SPOUT1: variants seen among roughly 807,000 people sequenced by gnomAD.
SPOUT1 encodes 28S rRNA (uridine-N(3))-methyltransferase.
SPOUT1 carries 40 observed loss-of-function variants against 54.8 expected under a neutral mutation model. The observed-to-expected ratio is 0.73, with a 90% confidence interval of 0.57 to 0.95. SPOUT1 has a LOEUF of 0.95. Ranked by LOEUF, SPOUT1 falls within the 40% of genes least tolerant of loss-of-function variation. SPOUT1 has a pLI of 0.00. For synonymous variants in SPOUT1, 193 were observed against 200.3 expected (o/e 0.96, Z 0.31); for missense variants, 437 against 499.5 (o/e 0.87, Z 1.19).
At chr9:128,829,276 C>G in intron 1 of SPOUT1, 121 bp from the exon 2 acceptor site, 1 of 840,508 alleles carries the variant, frequency 1.2e-6, no homozygotes. Context: ...CAAGGAACCT[C>G]TGCGAACTGC....
At chr9:128,824,297 T>TGTGC in intron 9 of SPOUT1, 123 bp from the exon 10 acceptor site, 2 of 590,000 alleles carry the variant, frequency 3.4e-6, no homozygotes, top group Non-Finnish European at 6.2e-6. Flanking sequence ...TGTGTGTGTG[T>TGTGC]GTGCGTGTGT....
intron 3 of SPOUT1, 49 bp downstream of exon 3, chr9:128,828,686 C>A (rs1830287474): frequency 3.1e-6 from 5 of 1,605,574 alleles, no homozygotes; most frequent in Non-Finnish European, 3.4e-6. Flanking sequence ...GCCTGCAGGA[C>A]AACTACCGTG....
chr9:128,824,626 G>C (rs1014295895), intron 9 of SPOUT1, 145 bp downstream of exon 9: 1 of 648,574 alleles, frequency 1.5e-6, no homozygotes, highest in Non-Finnish European at 2.8e-6. Context: ...GGAGAACAAG[G>C]CCCAGAGAAG....
At chr9:128,829,014 G>C in intron 2 of SPOUT1, 96 bp downstream of exon 2, 1 of 1,496,840 alleles carries the variant, frequency 6.7e-7, no homozygotes, top group Non-Finnish European at 9.3e-7. Flanking sequence ...TGTGCTGCAG[G>C]ACCCAGAGGG....
Position 128,821,545 on chromosome 9 carries a change from C to T in SPOUT1, c.*1220G>A, listed in dbSNP as rs1830119226. On this transcript the variant is annotated 3_prime_UTR_variant, in exon 12 of 12. Coordinates refer to ENST00000361256, the MANE Select transcript of SPOUT1 (RefSeq NM_016390.4). The stretch of plus-strand genomic sequence containing the variant: ...CTAGATCTGCCTGACCCAGGGCCTC[C>T]ACTCTTGCTCCTGTGCAGCCCTGCC... The T allele has an allele frequency of 6.5e-6, 1 of 154,238 alleles. No individual in the cohort carries two copies. 9.6% of individuals were successfully genotyped at this position (154,238 alleles called of 1,614,324 possible). A position where few individuals can be genotyped will look rare whatever the true frequency, so the allele number is the denominator to read the frequency against.
chr9:128,823,652 GGGCAAGGGTGGGTGAC>G, intron 11 of SPOUT1, 79 bp downstream of exon 11: 5 of 1,173,446 alleles, frequency 4.3e-6, no homozygotes, highest in Non-Finnish European at 4.8e-6. Context: ...AGGCAGCCAC[GGGCAAGGGTGGGTGAC>G]AGGGCAAGAG....
At position 128,822,450 on chromosome 9, in the gene SPOUT1, G is replaced by A. The variant is rs61737988; in HGVS notation, c.*315C>T. The A allele has an allele frequency of 9.5e-6, 15 of 1,585,460 alleles. No homozygotes were observed. Among genetic ancestry groups the A allele is most frequent in the East Asian group, 4.6e-5 (2 of 43,250 alleles). ...GCAGCAGGTGGGCAAATTGAGCTCC[G>A]CACCTACGTGATGCCCAACGCACCT... On this transcript the variant is annotated 3_prime_UTR_variant, in exon 12 of 12. Coordinates refer to ENST00000361256, the MANE Select transcript of SPOUT1 (RefSeq NM_016390.4).
chr9:128,822,481 T>A lies in SPOUT1; in HGVS notation c.*284A>T. 6.4e-7 allele frequency: 1 copy of A among 1,568,390 alleles called. No individual in the cohort carries two copies. Among genetic ancestry groups the A allele is most frequent in the Non-Finnish European group, 8.6e-7 (1 of 1,156,240 alleles). On this transcript the variant is annotated 3_prime_UTR_variant, in exon 12 of 12. Transcript: ENST00000361256. ...ACGTGATGCCCAACGCACCTGTGGA[T>A]GAGGCCATCCCACTGGAGCGCTTCC...
intron 3 of SPOUT1, among the ~76,000 whole-genome samples, chr9:128,827,738 A>G (rs1830268853): frequency 6.6e-6 from 1 of 152,240 alleles, no homozygotes; most frequent in Non-Finnish European, 1.5e-5. Flanking sequence ...CCTGGCCAAC[A>G]TGGCGAAACC....
Position 128,820,651 on chromosome 9 carries a change from G to A in SPOUT1, c.*2114C>T, listed in dbSNP as rs561556759. 4.1e-5 allele frequency: 45 copies of A among 1,089,338 alleles called. No individual in the cohort carries two copies. In the Admixed American group the frequency reaches 5.5e-4, roughly 13 times the overall value. The allele number at this position is 1,089,338 out of a possible 1,614,324, so 67.5% of individuals were successfully genotyped here. A position where few individuals can be genotyped will look rare whatever the true frequency, so the allele number is the denominator to read the frequency against. ...TGTCTCACTGGATATCTCTGAGCCT[G>A]TCCATCCCCTCAGGACCTGGGGCGG... On this transcript the variant is annotated 3_prime_UTR_variant, in exon 12 of 12. Transcript: ENST00000361256.
Position 128,826,483 on chromosome 9 carries a change from A to T in SPOUT1, c.459-50T>A. The T allele has an allele frequency of 6.2e-7, 1 of 1,610,704 alleles. No individual in the cohort carries two copies. The highest frequency in any genetic ancestry group is 8.5e-7 in the Non-Finnish European group (1 of 1,177,132). ...ATGTTCCCAGGGGAAGCCGCCTCCT[A>T]CCTGGTCTCCACTTTGACACACCCC... On this transcript the variant is annotated intron_variant, in intron 5 of 11. Transcript: ENST00000361256. The surrounding 1 kb of genome is among the most constrained non-coding windows in gnomAD (Gnocchi z 5.5).
intron 7 of SPOUT1, 108 bp from the exon 8 acceptor site, chr9:128,825,157 G>A (rs1830214549): frequency 3.9e-6 from 3 of 771,890 alleles, no homozygotes; most frequent in Non-Finnish European, 6.6e-6. Context: ...GGGACCAAGG[G>A]GTCCAGGTCA....
chr9:128,824,641 A>T, intron 9 of SPOUT1, 130 bp downstream of exon 9: 1 of 673,686 alleles, frequency 1.5e-6, no homozygotes, highest in East Asian at 2.7e-5. Flanking sequence ...GAGAAGGGGA[A>T]GGACTTGCCC....
At position 128,829,770 on chromosome 9, in the gene SPOUT1, C is replaced by T. The variant is rs1400243845; in HGVS notation, c.11G>A (p.Arg4His). The change falls in exon 1 of 12, where the codon CGC becomes CAC. Residue 4 changes from arginine to histidine, a missense_variant. Arg to His is a conservative substitution (Grantham distance 29, BLOSUM62 0). Transcript: ENST00000361256. ...CGGGCCGCACGGCCGCTTCCTGCCG[C>T]GCTCCGCCATGTTCCGCACACACCG... is the stretch of plus-strand genomic sequence containing the variant. MAE[R>H]GRKRPCGPGE... 3.7e-6 allele frequency: 6 copies of T among 1,602,474 alleles called. No homozygotes were observed. Among genetic ancestry groups the T allele is most frequent in the South Asian group, 1.1e-5 (1 of 89,330 alleles).
intron 1 of SPOUT1, 78 bp downstream of exon 1, chr9:128,829,667 C>A: frequency 1.7e-6 from 2 of 1,170,236 alleles, no homozygotes; most frequent in Non-Finnish European, 2.5e-6. Flanking sequence ...CGGCCCGGCC[C>A]CGGCGAAGGC....
Position 128,826,686 on chromosome 9 carries a change from G to T in SPOUT1, c.369-57C>A. The T allele has an allele frequency of 8.1e-7, 1 of 1,241,830 alleles. No individual in the cohort carries two copies. The highest frequency in any genetic ancestry group is 1.1e-6 in the Non-Finnish European group (1 of 885,090). The allele number at this position is 1,241,830 out of a possible 1,614,324, so 76.9% of individuals were successfully genotyped here. A position where few individuals can be genotyped will look rare whatever the true frequency, so the allele number is the denominator to read the frequency against. On this transcript the variant is annotated intron_variant, in intron 4 of 11. Transcript: ENST00000361256. This position sits in a 1 kb window ranked among gnomAD's most constrained non-coding sequence, Gnocchi z 5.5. ...AGCTGTGGCCCCTTCAAGAGCTCCT[G>T]TCTACAAGTGCACGCGTATAATCCC...
At chr9:128,824,200 G>A in intron 9 of SPOUT1, 26 bp from the exon 10 acceptor site, 1 of 1,428,152 alleles carries the variant, frequency 7.0e-7, no homozygotes. Context: ...GCTCAGTGCA[G>A]GTCCTGCTCC....
At position 128,825,022 on chromosome 9, in the gene SPOUT1, G is replaced by C; in HGVS notation, c.667C>G (p.Pro223Ala). 6.3e-7 allele frequency: 1 copy of C among 1,579,064 alleles called. No individual in the cohort carries two copies. The change falls in exon 8 of 12, where the codon CCC becomes GCC. Residue 223 changes from proline to alanine, a missense_variant. Physicochemically the swap from Pro to Ala is conservative, Grantham distance 27. Coordinates refer to ENST00000361256, the MANE Select transcript of SPOUT1 (RefSeq NM_016390.4). Reference protein sequence around the residue: ...KEVKIDKNLEPGLRVTVRLNQ... With the variant: ...KEVKIDKNLEAGLRVTVRLNQ... ...AGTCGCACAGTCACCCGAAGCCCGG[G>C]CTCCAGGTTCTTGTCAATCTTCACC...
rs2280843 is a variant in SPOUT1 at position 128,822,790 on chromosome 9, A to G, written c.1106T>C (p.Ile369Thr). The G allele has an allele frequency of 0.73, 1,151,723 of 1,587,644 alleles. 424,324 individuals are homozygous for G. Among genetic ancestry groups the G allele is most frequent in the Admixed American group, 0.79 (44,634 of 56,680 alleles). Reference protein sequence around the residue: ...ISLAALQPGLIQAGARHT With the variant: ...ISLAALQPGLTQAGARHT Reference sequence around the variant, plus strand: ...TCAGGTGTGCCGGGCACCCGCCTGGATGAGGCCAGGCTGCAGGGCGGCCAG... The same window carrying G: ...TCAGGTGTGCCGGGCACCCGCCTGGGTGAGGCCAGGCTGCAGGGCGGCCAG... Residue 369 changes from isoleucine (I) to threonine (T), a missense_variant, in exon 12 of 12, where the codon ATC becomes ACC. By Grantham distance (89) the Ile-to-Thr change is moderately conservative. Transcript: ENST00000361256.
Sources: gnomAD v4.1 joint callset for allele counts (sites outside exome capture counted in the v4.1 genomes callset) on GRCh38, gnomAD v4.1.1 for gene constraint, Gnocchi (gnomAD v3.1) non-coding constraint, MANE v1.5 for transcripts, NCBI Gene and HGNC (gene_info 2026-07-23, HGNC 2026-07-21) for gene names.